Variants in TRIT1 observed in about 807,000 individuals in gnomAD.
The protein encoded by TRIT1 is tRNA isopentenyltransferase 1, also known as tRNA dimethylallyltransferase.
Under a neutral mutation model 51.2 loss-of-function variants are expected in TRIT1, and 43 were observed. The observed-to-expected ratio is 0.84, with a 90% CI of 0.66 to 1.08. The LOEUF is 1.08. Among genes scored for constraint, TRIT1 ranks in the 50% least tolerant of loss-of-function variants. TRIT1 has a pLI of 0.00. For missense variants in TRIT1, 528 were observed against 578.4 expected (o/e 0.91, Z 0.89); for synonymous variants, 184 against 203.9 (o/e 0.90, Z 0.83).
At chr1:39,863,625 G>T (rs1297261016) in intron 1 of TRIT1, among the ~76,000 whole-genome samples, 1 of 151,556 alleles carries the variant, frequency 6.6e-6, no homozygotes, top group Non-Finnish European at 1.5e-5. Flanking sequence ...TCTATTGATG[G>T]TTTATTTCCA....
intron 1 of TRIT1, among the ~76,000 whole-genome samples, chr1:39,877,431 T>G (rs1279885647): frequency 6.6e-6 from 1 of 152,026 alleles, no homozygotes; most frequent in Non-Finnish European, 1.5e-5. Context: ...AAAAATCATT[T>G]GTTTCTCCTC....
At position 39,847,406 on chromosome 1, in the gene TRIT1, C is replaced by A. The variant is rs1317985614; in HGVS notation, c.929-109G>T. 7.0e-6 allele frequency: 10 copies of A among 1,437,710 alleles called. No individual in the cohort carries two copies. In the Admixed American group the frequency reaches 1.8e-4, roughly 25 times the overall value. 89.1% of individuals were successfully genotyped at this position (1,437,710 alleles called of 1,614,324 possible). A position where few individuals can be genotyped will look rare whatever the true frequency, so the allele number is the denominator to read the frequency against. ...AAAGTCAGCCACGGCAGTGCAATGT[C>A]AGACTTGGTGGACAAAAATCTCAGT... On this transcript the variant is annotated intron_variant, in intron 7 of 10. Transcript: ENST00000316891.
At chr1:39,850,030 C>A in intron 5 of TRIT1, 89 bp downstream of exon 5, 1 of 1,396,900 alleles carries the variant, frequency 7.2e-7, no homozygotes, top group Non-Finnish European at 9.9e-7. Flanking sequence ...TTATTATGAG[C>A]CACCCATGGT....
At chr1:39,881,869 T>A (rs182856312) in intron 1 of TRIT1, among the ~76,000 whole-genome samples, 1 of 152,316 alleles carries the variant, frequency 6.6e-6, no homozygotes, top group African/African-American at 2.4e-5. Flanking sequence ...ATCTTGCAAA[T>A]CCATTAATAT....
At chr1:39,865,985 G>C (rs1160303093) in intron 1 of TRIT1, among the ~76,000 whole-genome samples, 1 of 140,826 alleles carries the variant, frequency 7.1e-6, no homozygotes. Context: ...AAAAGGAAAA[G>C]AAAGAAAGGG....
chr1:39,844,243 G>A (rs762401195), intron 9 of TRIT1, 25 bp from the exon 10 acceptor site: 6 of 1,537,142 alleles, frequency 3.9e-6, no homozygotes, highest in Non-Finnish European at 5.4e-6. Context: ...GTGGAAGGGA[G>A]TATTCAATTC....
At chr1:39,860,644 G>C (rs1426802840) in intron 1 of TRIT1, among the ~76,000 whole-genome samples, 1 of 152,140 alleles carries the variant, frequency 6.6e-6, no homozygotes, top group Non-Finnish European at 1.5e-5. Flanking sequence ...GCAACAATAG[G>C]GAAAGGAGAG....
intron 10 of TRIT1, 130 bp downstream of exon 10, chr1:39,843,971 C>T (rs1642070773): frequency 3.3e-6 from 2 of 603,350 alleles, no homozygotes; most frequent in Non-Finnish European, 2.9e-6. Flanking sequence ...AGCACAGGCT[C>T]TTAGAGGAAT....
chr1:39,838,365 T>C lies in TRIT1; in HGVS notation c.*3379A>G, dbSNP rs1652453276. On this transcript the variant is annotated 3_prime_UTR_variant, in exon 11 of 11. Coordinates refer to ENST00000316891, the MANE Select transcript of TRIT1 (RefSeq NM_017646.6). ...CTTAGTTTTTATGCTTTCATGCAAT[T>C]GATTCAACAAATATTTGACTGTGTC... is the stretch of plus-strand genomic sequence containing the variant. Among the ~76,000 whole-genome samples, 2 of 152,242 alleles carry C rather than the reference T, an allele frequency of 1.3e-5. No individual in the cohort carries two copies. Among genetic ancestry groups the C allele is most frequent in the South Asian group, 2.1e-4 (1 of 4,834 alleles).
At chr1:39,871,277 CA>C in intron 1 of TRIT1, among the ~76,000 whole-genome samples, 1 of 152,238 alleles carries the variant, frequency 6.6e-6, no homozygotes, top group African/African-American at 2.4e-5. Context: ...TGGACGCATG[CA>C]ACAACATGGA....
intron 1 of TRIT1, among the ~76,000 whole-genome samples, chr1:39,859,888 A>C (rs1643140748): frequency 6.6e-6 from 1 of 152,226 alleles, no homozygotes; most frequent in Admixed American, 6.5e-5. Flanking sequence ...ACCTCCAACA[A>C]GGACAAAATG....
chr1:39,847,493 G>T, intron 7 of TRIT1, 55 bp downstream of exon 7: 1 of 1,579,866 alleles, frequency 6.3e-7, no homozygotes, highest in Non-Finnish European at 8.7e-7. Context: ...CATACCAGCA[G>T]AGTACCCTGC....
At position 39,854,035 on chromosome 1, in the gene TRIT1, T is replaced by C. The variant is rs760669230; in HGVS notation, c.349A>G (p.Ile117Val). 5 of 1,612,344 alleles carry C rather than the reference T, an allele frequency of 3.1e-6. No individual in the cohort carries two copies. The highest frequency in any genetic ancestry group is 2.2e-5 in the South Asian group (2 of 90,632). The change falls in exon 3 of 11, where the codon ATT (isoleucine) becomes GTT (valine). Residue 117 changes from isoleucine (I) to valine (V), a missense_variant. Around this residue, in one of 3 missense-constraint regions of TRIT1, gnomAD observed 468 missense variants for 522.6 expected, o/e 0.90. Coordinates refer to ENST00000316891, the MANE Select transcript of TRIT1 (RefSeq NM_017646.6). ...TAATAATTGGTTCCTCCCACAACAA[T>C]AGGAATTTTGTCTCGGGCAAATATA... ...EDIFARDKIP[I>V]VVGGTNYYIE...
chr1:39,859,671 T>C (rs1259872348), intron 1 of TRIT1, among the ~76,000 whole-genome samples: 3 of 152,154 alleles, frequency 2.0e-5, no homozygotes, highest in Non-Finnish European at 2.9e-5. Flanking sequence ...CTCTCTCTTT[T>C]TCTCACAGCC....
At chr1:39,872,794 AAG>A (rs1283380920) in intron 1 of TRIT1, among the ~76,000 whole-genome samples, 4 of 112,354 alleles carry the variant, frequency 3.6e-5, no homozygotes, top group African/African-American at 8.7e-5. Flanking sequence ...GAGAGAGAGA[AAG>A]AGAGAGAAAG....
chr1:39,847,365 C>T, intron 7 of TRIT1, 68 bp from the exon 8 acceptor site: 2 of 1,518,770 alleles, frequency 1.3e-6, no homozygotes, highest in Non-Finnish European at 1.8e-6. Flanking sequence ...GGCAGGCCCT[C>T]CCAGCCCAGC....
intron 1 of TRIT1, among the ~76,000 whole-genome samples, chr1:39,871,173 A>G (rs1049311354): frequency 2.6e-5 from 4 of 152,154 alleles, no homozygotes; most frequent in South Asian, 2.1e-4. Context: ...AGCCTGGGCA[A>G]CAAGGGAGAA....
intron 1 of TRIT1, among the ~76,000 whole-genome samples, chr1:39,879,702 C>T (rs189082182): frequency 2.4e-4 from 36 of 149,010 alleles, no homozygotes; most frequent in African/African-American, 8.4e-4. Context: ...GGTGAAACCC[C>T]GACTCTACTA....
intron 1 of TRIT1, among the ~76,000 whole-genome samples, chr1:39,863,301 C>T (rs1163160644): frequency 6.6e-6 from 1 of 152,120 alleles, no homozygotes; most frequent in Admixed American, 6.6e-5. Context: ...TCCATCTCTA[C>T]CAAAAATTTA....
Sources: allele counts gnomAD v4.1 joint callset (sites outside exome capture counted in the v4.1 genomes callset), GRCh38; gene constraint gnomAD v4.1.1; regional missense constraint gnomAD v4.1.1; transcripts MANE v1.5; gene names NCBI Gene and HGNC (gene_info 2026-07-23, HGNC 2026-07-21).